Variants in TRAK1 observed in about 807,000 individuals in gnomAD.
TRAK1 encodes trafficking kinesin protein 1.
Under a neutral mutation model 92.1 loss-of-function variants are expected in TRAK1, and 33 were observed. The ratio of observed to expected loss-of-function variants is 0.36; its 90% CI spans 0.27 to 0.48. The LOEUF (loss-of-function observed/expected upper bound fraction) is 0.48, where lower values mean the gene tolerates loss of function less well. TRAK1 is among the 20% of genes least tolerant of loss of function. The pLI is 0.99. For synonymous variants in TRAK1, 521 were observed against 517.3 expected (o/e 1.01, Z -0.10); for missense variants, 1,123 against 1,257.9 (o/e 0.89, Z 1.62).
intron 1 of TRAK1, among the ~76,000 whole-genome samples, chr3:42,071,577 G>A (rs1379451601): frequency 6.6e-6 from 1 of 152,002 alleles, no homozygotes; most frequent in Non-Finnish European, 1.5e-5. Flanking sequence ...TTTTGGTGGT[G>A]GGCGCCTGTA....
At chr3:42,178,518 C>T (rs1703524636) in intron 3 of TRAK1, among the ~76,000 whole-genome samples, 1 of 152,186 alleles carries the variant, frequency 6.6e-6, no homozygotes, top group Non-Finnish European at 1.5e-5. Context: ...GCCCCAACTC[C>T]ATCCCCAGGT....
chr3:42,090,903 G>A (rs1287299510), upstream of TRAK1, among the ~76,000 whole-genome samples: 2 of 152,208 alleles, frequency 1.3e-5, no homozygotes, highest in African/African-American at 2.4e-5. Flanking sequence ...GCTGTCAGGT[G>A]ATGGAGAACA....
At chr3:42,035,887 C>T (rs1377137991) in intron 1 of TRAK1, among the ~76,000 whole-genome samples, 1 of 152,168 alleles carries the variant, frequency 6.6e-6, no homozygotes, top group Non-Finnish European at 1.5e-5. Flanking sequence ...GAGAACTCTG[C>T]CCACCCCCAA....
intron 1 of TRAK1, among the ~76,000 whole-genome samples, chr3:42,053,126 G>T (rs781586470): frequency 2.0e-5 from 3 of 152,092 alleles, no homozygotes; most frequent in Non-Finnish European, 4.4e-5. Context: ...GTTTTTATGA[G>T]ATCTTGCTTC....
At chr3:42,069,555 T>C (rs1417274403) in intron 1 of TRAK1, among the ~76,000 whole-genome samples, 2 of 152,170 alleles carry the variant, frequency 1.3e-5, no homozygotes, top group Non-Finnish European at 2.9e-5. Context: ...TGTCTCACTT[T>C]TATTTAAATA....
chr3:42,150,318 A>C (rs1209570658), intron 2 of TRAK1, among the ~76,000 whole-genome samples: 1 of 152,182 alleles, frequency 6.6e-6, no homozygotes. Flanking sequence ...AAGCACACAG[A>C]AAACAGCACT....
chr3:42,195,605 C>G (rs1024519196), intron 10 of TRAK1, among the ~76,000 whole-genome samples: 1 of 152,104 alleles, frequency 6.6e-6, no homozygotes, highest in Non-Finnish European at 1.5e-5. Flanking sequence ...CCCCATCCCC[C>G]ACTCCTTGTT....
At chr3:42,016,596 C>T (rs1231831780) in intron 1 of TRAK1, among the ~76,000 whole-genome samples, 5 of 152,214 alleles carry the variant, frequency 3.3e-5, no homozygotes, top group South Asian at 2.1e-4. Context: ...CATCTGGGCT[C>T]TCCATCTTGA....
chr3:42,023,731 C>T (rs1221870135), intron 1 of TRAK1, among the ~76,000 whole-genome samples: 1 of 138,998 alleles, frequency 7.2e-6, no homozygotes, highest in Non-Finnish European at 1.5e-5. Flanking sequence ...CTGAGTTTGA[C>T]GTGCTCGTGA....
chr3:42,125,705 T>C (rs1388481301), intron 2 of TRAK1, 91 bp downstream of exon 2: 30 of 1,417,608 alleles, frequency 2.1e-5, no homozygotes, highest in African/African-American at 2.8e-5. Context: ...CTGGCTACCC[T>C]GTGATGTGGC....
At chr3:42,206,805 T>G (rs758135274) in intron 13 of TRAK1, among the ~76,000 whole-genome samples, 1 of 152,248 alleles carries the variant, frequency 6.6e-6, no homozygotes, top group African/African-American at 2.4e-5. Context: ...AGTAATTCCA[T>G]GCATTTCTGT....
chr3:42,200,954 A>G lies in TRAK1; in HGVS notation c.1327A>G (p.Ser443Gly), dbSNP rs1707442205. The G allele has an allele frequency of 2.5e-6, 4 of 1,614,144 alleles. No individual in the cohort carries two copies. The highest frequency in any genetic ancestry group is 3.3e-5 in the Admixed American group (2 of 60,024). Residue 443 changes from serine to glycine, a missense_variant, in exon 12 of 16, where the codon AGC becomes GGC. By Grantham distance (56) the Ser-to-Gly change is moderately conservative. Around this residue, in one of 3 missense-constraint regions of TRAK1, gnomAD observed 686 missense variants for 747.6 expected, o/e 0.92. Coordinates refer to ENST00000327628, the MANE Select transcript of TRAK1 (RefSeq NM_001042646.3). ...GAACTCCCTCCTGTCCAGCTGCGTC[A>G]GCACCCCCCGGTCCAGCTTCTACGG... Reference protein sequence around the residue: ...AMNSLLSSCVSTPRSSFYGSD... With the variant: ...AMNSLLSSCVGTPRSSFYGSD...
intron 1 of TRAK1, among the ~76,000 whole-genome samples, chr3:42,050,608 C>T (rs765101553): frequency 2.0e-5 from 3 of 152,140 alleles, no homozygotes; most frequent in Non-Finnish European, 2.9e-5. Context: ...CAAAAATTTT[C>T]ATCCTTTTTT....
intron 7 of TRAK1, 133 bp downstream of exon 7, chr3:42,191,769 C>A: frequency 2.4e-6 from 2 of 842,060 alleles, no homozygotes; most frequent in South Asian, 3.9e-5. Flanking sequence ...AAACTAGAGG[C>A]CTCCCCAACC....
rs572015796 is a variant in TRAK1 at position 42,176,810 on chromosome 3, A to G, written c.287-4A>G. ...AGTCTCATTGTCATTTTTATTTCTT[A>G]CAGTTTTATGTGCTGAAAGAGTTGG... On this transcript the variant is annotated splice_region_variant and splice_polypyrimidine_tract_variant and intron_variant, in intron 2 of 15. Coordinates refer to ENST00000327628, the MANE Select transcript of TRAK1 (RefSeq NM_001042646.3). 6.2e-7 allele frequency: 1 copy of G among 1,612,586 alleles called. No individual in the cohort carries two copies. The highest frequency in any genetic ancestry group is 1.3e-5 in the African/African-American group (1 of 74,984).
chr3:42,136,448 A>G (rs1697962705), intron 2 of TRAK1, among the ~76,000 whole-genome samples: 1 of 152,048 alleles, frequency 6.6e-6, no homozygotes, highest in African/African-American at 2.4e-5. Context: ...AACATAGGGA[A>G]ACCCCCATCA....
At chr3:42,018,281 A>G (rs1701603791) in intron 1 of TRAK1, among the ~76,000 whole-genome samples, 1 of 142,518 alleles carries the variant, frequency 7.0e-6, no homozygotes, top group Admixed American at 7.1e-5. Flanking sequence ...AAAAAAAAAA[A>G]TATTGCTGTC....
At chr3:42,139,424 C>T (rs1325808944) in intron 2 of TRAK1, among the ~76,000 whole-genome samples, 1 of 152,188 alleles carries the variant, frequency 6.6e-6, no homozygotes, top group Non-Finnish European at 1.5e-5. Context: ...ATGATGCCTC[C>T]ACCCAGGTGT....
intron 1 of TRAK1, among the ~76,000 whole-genome samples, chr3:42,116,412 C>T (rs1172319887): frequency 2.0e-5 from 3 of 152,348 alleles, no homozygotes; most frequent in Admixed American, 1.3e-4. Context: ...AAGCTGTAAA[C>T]TGCATAGTCC....
Sources: gnomAD v4.1 joint callset for allele counts (sites outside exome capture counted in the v4.1 genomes callset) on GRCh38, gnomAD v4.1.1 for gene constraint, gnomAD v4.1.1 regional missense constraint, MANE v1.5 for transcripts, NCBI Gene and HGNC (gene_info 2026-07-23, HGNC 2026-07-21) for gene names.